Variants in ANKS1B observed in about 807,000 individuals in gnomAD.
The protein encoded by ANKS1B is ankyrin repeat and sterile alpha motif domain containing 1B.
ANKS1B carries 36 observed loss-of-function variants against 148.3 expected under a neutral mutation model. That is an observed-to-expected ratio of 0.24 (90% CI 0.19 to 0.32). ANKS1B has a LOEUF of 0.32. Among genes scored for constraint, ANKS1B ranks in the 10% least tolerant of loss-of-function variants. The pLI is 1.00. For missense variants in ANKS1B, 1,157 were observed against 1,542.6 expected (o/e 0.75, Z 4.19); for synonymous variants, 542 against 560.8 (o/e 0.97, Z 0.47).
At chr12:99,721,771 T>C (rs1435424104) in intron 8 of ANKS1B, among the ~76,000 whole-genome samples, 1 of 152,242 alleles carries the variant, frequency 6.6e-6, no homozygotes, top group Non-Finnish European at 1.5e-5. Flanking sequence ...AAAGCTGAGA[T>C]AGGCTAAAAC....
rs1594075856 is a variant in ANKS1B at position 99,403,158 on chromosome 12, T to A, written c.1576-3347A>T. Among the ~76,000 whole-genome samples the A allele has an allele frequency of 2.7e-5, 3 of 113,032 alleles. 1 individual carries two copies. Among genetic ancestry groups the A allele is most frequent in the African/African-American group, 1.2e-4 (3 of 25,962 alleles). The allele number at this position is 113,032 out of a possible 152,430, so 74.2% of individuals were successfully genotyped here. On this transcript the variant is annotated intron_variant, in intron 11 of 26. Coordinates refer to ENST00000683438, the MANE Select transcript of ANKS1B (RefSeq NM_001352186.2). ...TGTCTGTTCACTTTTCTTTCTTTTT[T>A]TTTTTTTTTTTTTTTTTTTTGAGAC...
chr12:98,981,215 G>C (rs1026561640), intron 17 of ANKS1B, among the ~76,000 whole-genome samples: 1 of 151,976 alleles, frequency 6.6e-6, no homozygotes. Flanking sequence ...CCATCTCACC[G>C]CAGCCTCGAA....
At chr12:99,349,078 T>C (rs1214260496) in intron 12 of ANKS1B, among the ~76,000 whole-genome samples, 2 of 151,922 alleles carry the variant, frequency 1.3e-5, no homozygotes, top group East Asian at 1.9e-4. Flanking sequence ...GAGTTTTATA[T>C]ACTATTGAAG....
chr12:99,867,433 A>G (rs546889703), intron 1 of ANKS1B, among the ~76,000 whole-genome samples: 1 of 152,298 alleles, frequency 6.6e-6, no homozygotes, highest in Admixed American at 6.5e-5. Context: ...TTTATAAAGA[A>G]AAAGAGGTTT....
At chr12:99,135,528 G>A (rs187043588) in intron 15 of ANKS1B, among the ~76,000 whole-genome samples, 45 of 152,254 alleles carry the variant, frequency 3.0e-4, no homozygotes, top group Admixed American at 6.5e-4. Context: ...AAAGGTCACC[G>A]ATAAAAGAAA....
chr12:99,455,673 G>A (rs1246456584), intron 10 of ANKS1B, among the ~76,000 whole-genome samples: 2 of 152,030 alleles, frequency 1.3e-5, no homozygotes, highest in Non-Finnish European at 2.9e-5. Context: ...GGTGACCTGT[G>A]CGACTCAGCA....
intron 8 of ANKS1B, among the ~76,000 whole-genome samples, chr12:99,738,176 G>C (rs888102477): frequency 6.6e-6 from 1 of 152,094 alleles, no homozygotes; most frequent in Non-Finnish European, 1.5e-5. Flanking sequence ...TACTGAAGCA[G>C]GAATTTAAGC....
intron 17 of ANKS1B, among the ~76,000 whole-genome samples, chr12:98,888,733 C>T (rs905835304): frequency 1.3e-5 from 2 of 152,192 alleles, no homozygotes; most frequent in African/African-American, 4.8e-5. Context: ...TGGAGGGCCA[C>T]CTTCTCAGGG....
chr12:99,559,151 G>T (rs975072526), intron 9 of ANKS1B, among the ~76,000 whole-genome samples: 2 of 152,076 alleles, frequency 1.3e-5, no homozygotes, highest in Admixed American at 6.5e-5. Context: ...CTGAAGATCT[G>T]CTTAGAGTGT....
intron 17 of ANKS1B, among the ~76,000 whole-genome samples, chr12:98,904,340 G>T (rs1253171423): frequency 6.6e-6 from 1 of 152,238 alleles, no homozygotes; most frequent in Non-Finnish European, 1.5e-5. Flanking sequence ...CAACCTGGAT[G>T]GGAAAGATGA....
intron 9 of ANKS1B, among the ~76,000 whole-genome samples, chr12:99,653,941 G>A (rs910468688): frequency 6.6e-6 from 1 of 152,012 alleles, no homozygotes; most frequent in Non-Finnish European, 1.5e-5. Context: ...TGAGATTACA[G>A]GTGTGAGATA....
At chr12:99,017,215 G>A (rs1023025279) in intron 17 of ANKS1B, among the ~76,000 whole-genome samples, 1 of 152,138 alleles carries the variant, frequency 6.6e-6, no homozygotes. Context: ...GGTCATTCCT[G>A]GGTGTAGGCC....
At chr12:99,112,224 T>G (rs1024504075) in intron 15 of ANKS1B, among the ~76,000 whole-genome samples, 3 of 152,170 alleles carry the variant, frequency 2.0e-5, no homozygotes, top group African/African-American at 7.2e-5. Context: ...ACTTTCCTCA[T>G]GCCTGTGTTA....
intron 17 of ANKS1B, among the ~76,000 whole-genome samples, chr12:99,013,676 G>T (rs1290298491): frequency 2.0e-5 from 3 of 152,030 alleles, no homozygotes; most frequent in African/African-American, 7.2e-5. Flanking sequence ...CTCAGGATAC[G>T]AAATCAATGT....
At chr12:99,519,293 A>T (rs1166581976) in intron 9 of ANKS1B, among the ~76,000 whole-genome samples, 2 of 152,084 alleles carry the variant, frequency 1.3e-5, no homozygotes, top group Non-Finnish European at 2.9e-5. Context: ...CTGTTTGAAG[A>T]TCTGTCCAAT....
chr12:98,854,926 G>A (rs961036785), intron 17 of ANKS1B, among the ~76,000 whole-genome samples: 6 of 152,122 alleles, frequency 3.9e-5, no homozygotes, highest in Admixed American at 6.5e-5. Flanking sequence ...TTGGGAGGCC[G>A]AGGCGGGTGG....
intron 9 of ANKS1B, among the ~76,000 whole-genome samples, chr12:99,543,392 CA>C (rs2153133453): frequency 6.6e-6 from 1 of 152,170 alleles, no homozygotes; most frequent in Non-Finnish European, 1.5e-5. Context: ...ATAGTGTAAC[CA>C]CTTTGGAAAA....
rs112943108 is a variant in ANKS1B, at chr12:98,769,965, G to A, written c.3579+3077C>T. On this transcript the variant is annotated intron_variant, in intron 25 of 26. Transcript: ENST00000683438. ...TTGCTTTCACTTTTTCAATCCTTTC[G>A]TAATGGCAGTAGGAAAACTTTGGAA... is the stretch of plus-strand genomic sequence containing the variant. Among the ~76,000 whole-genome samples, 760 of 152,146 alleles carry A rather than the reference G, an allele frequency of 5.0e-3. 7 individuals are homozygous for A. Among genetic ancestry groups the A allele is most frequent in the African/African-American group, 0.018 (731 of 41,492 alleles).
intron 25 of ANKS1B, among the ~76,000 whole-genome samples, chr12:98,756,909 A>G (rs2098262085): frequency 6.6e-6 from 1 of 151,696 alleles, no homozygotes; most frequent in Non-Finnish European, 1.5e-5. Context: ...TTGTATTTTT[A>G]GTAAAGACAA....
Sources: allele counts gnomAD v4.1 joint callset (sites outside exome capture counted in the v4.1 genomes callset), GRCh38; gene constraint gnomAD v4.1.1; transcripts MANE v1.5; gene names NCBI Gene and HGNC (gene_info 2026-07-23, HGNC 2026-07-21).